The following A2M variants were observed in gnomAD, a reference collection of about 807,000 sequenced individuals.
A2M encodes the protein alpha-2-macroglobulin.
A2M carries 128 observed loss-of-function variants against 183.9 expected under a neutral mutation model. The ratio of observed to expected loss-of-function variants is 0.70; its 90% CI spans 0.60 to 0.81. The LOEUF (loss-of-function observed/expected upper bound fraction) is 0.81. A2M is among the 30% of genes least tolerant of loss of function. The probability of loss-of-function intolerance (pLI) is 0.00; values close to 1 mark genes in which losing one functional copy is unlikely to be tolerated. For synonymous variants in A2M, 592 were observed against 670.8 expected (o/e 0.88, Z 1.81); for missense variants, 1,495 against 1,787.6 (o/e 0.84, Z 2.95).
chr12:9,098,847 G>A, intron 14 of A2M, 91 bp from the exon 15 acceptor site: 4 of 1,423,448 alleles, frequency 2.8e-6, no homozygotes, highest in Admixed American at 2.1e-5. Context: ...CATGTACAAT[G>A]TATAACCACT....
Position 9,095,717 on chromosome 12 carries a change from G to T in A2M, c.1852-17C>A. On this transcript the variant is annotated splice_polypyrimidine_tract_variant and intron_variant, in intron 15 of 35. Coordinates refer to ENST00000318602, the MANE Select transcript of A2M (RefSeq NM_000014.6). ...GTTGTAAACCTGTACAAATACGAAA[G>T]ACAAAAAGGCAAACTTATTTGTGAC... 2 of 728,442 alleles carry T rather than the reference G, an allele frequency of 2.7e-6. No homozygotes were observed. The highest frequency in any genetic ancestry group is 2.1e-6 in the Non-Finnish European group (1 of 473,624). 45.1% of individuals were successfully genotyped at this position (728,442 alleles called of 1,614,324 possible). A position where few individuals can be genotyped will look rare whatever the true frequency, so the allele number is the denominator to read the frequency against.
Position 9,068,874 on chromosome 12 carries a change from C to G in A2M, c.4264-32G>C, listed in dbSNP as rs180970556. 56 of 1,484,022 alleles carry G rather than the reference C, an allele frequency of 3.8e-5. No individual in the cohort carries two copies. The East Asian group carries it at 9.4e-4, about 25-fold the overall frequency. The allele number at this position is 1,484,022 out of a possible 1,614,324, so 91.9% of individuals were successfully genotyped here. ...AGCAAAAGTCAATTAAATGACCTTT[C>G]AGGAAGCTTTCTTCTCTCTTTGAAT... On this transcript the variant is annotated intron_variant, in intron 33 of 35. Transcript: ENST00000318602.
rs751855497 is a variant in A2M, at chr12:9,106,357, G to A, written c.995-12C>T. 1.3e-6 allele frequency: 2 copies of A among 1,568,200 alleles called. No individual in the cohort carries two copies. The highest frequency in any genetic ancestry group is 1.8e-5 in the Admixed American group (1 of 56,278). ...AGTCAATTCCACCACTGAAAAAAGA[G>A]AAAAAAATCTGTTATTTTTGGGAAG... On this transcript the variant is annotated splice_polypyrimidine_tract_variant and intron_variant, in intron 9 of 35. Coordinates refer to ENST00000318602, the MANE Select transcript of A2M (RefSeq NM_000014.6).
chr12:9,078,611 G>A (rs1180231900), intron 25 of A2M, among the ~76,000 whole-genome samples: 4 of 152,094 alleles, frequency 2.6e-5, no homozygotes, highest in African/African-American at 9.7e-5. Flanking sequence ...TTGAAGAATC[G>A]CCATACTGTC....
chr12:9,098,572 G>T, intron 15 of A2M, 35 bp downstream of exon 15: 1 of 1,568,592 alleles, frequency 6.4e-7, no homozygotes, highest in African/African-American at 1.4e-5. Flanking sequence ...CCCTGGCACG[G>T]CCCTTCTTGA....
intron 1 of A2M, among the ~76,000 whole-genome samples, chr12:9,114,225 G>A (rs1370639496): frequency 4.6e-5 from 7 of 152,100 alleles, no homozygotes; most frequent in Admixed American, 4.6e-4. Flanking sequence ...TTTAGACCTT[G>A]GTAACTCATG....
chr12:9,107,735 T>G (rs1938407130), intron 7 of A2M, 91 bp from the exon 8 acceptor site: 2 of 1,469,666 alleles, frequency 1.4e-6, no homozygotes, highest in South Asian at 2.5e-5. Context: ...CTACAGTATA[T>G]TCCCTGTCTG....
At chr12:9,077,319 T>G in intron 27 of A2M, 27 bp downstream of exon 27, 1 of 1,595,996 alleles carries the variant, frequency 6.3e-7, no homozygotes, top group Non-Finnish European at 8.6e-7. Context: ...GAACTCTCCT[T>G]CAGCAGAGGA....
In A2M at chr12:9,072,346, C is replaced by T. The variant is rs757125749; in HGVS notation, c.4103+13G>A. The stretch of plus-strand genomic sequence containing the variant: ...TATTCTTAGGATTAGGTGATAGAGT[C>T]AGAAGGTCTTACCTGACACTTAGGG... On this transcript the variant is annotated intron_variant, in intron 31 of 35. Coordinates refer to ENST00000318602, the MANE Select transcript of A2M (RefSeq NM_000014.6). 11 of 1,613,172 alleles carry T rather than the reference C, an allele frequency of 6.8e-6. No homozygotes were observed. The highest frequency in any genetic ancestry group is 5.3e-5 in the African/African-American group (4 of 74,862).
Position 9,115,774 on chromosome 12 carries a change from A to G in A2M, c.76T>C (p.Ser26Pro). Residue 26 changes from serine (S) to proline (P), a missense_variant, in exon 1 of 36, where the codon TCT (serine) becomes CCT (proline). Ser to Pro is a moderately conservative substitution (Grantham distance 74). Coordinates refer to ENST00000318602, the MANE Select transcript of A2M (RefSeq NM_000014.6). ...CTGTGTGGAACTCACGGTTTTCCAGAGACTGAGGCGTCTGTGGGCAGGAGG... is the reference window on the plus strand; with the variant it reads ...CTGTGTGGAACTCACGGTTTTCCAGGGACTGAGGCGTCTGTGGGCAGGAGG... ...LVLLPTDASV[S>P]GKPQYMVLVP... The G allele has an allele frequency of 3.7e-6, 6 of 1,613,078 alleles. No homozygotes were observed. The highest frequency in any genetic ancestry group is 3.4e-6 in the Non-Finnish European group (4 of 1,179,130).
chr12:9,104,124 G>T, intron 11 of A2M, 115 bp downstream of exon 11: 3 of 1,031,064 alleles, frequency 2.9e-6, no homozygotes, highest in Non-Finnish European at 4.2e-6. Flanking sequence ...GTTTCTAATT[G>T]CTAGTTTTTT....
intron 22 of A2M, among the ~76,000 whole-genome samples, chr12:9,082,444 A>G (rs1479358284): frequency 1.3e-5 from 2 of 152,198 alleles, no homozygotes; most frequent in Non-Finnish European, 2.9e-5. Context: ...CCTACCAAAC[A>G]TAAGAGCAAA....
intron 29 of A2M, among the ~76,000 whole-genome samples, 156 bp downstream of exon 29, chr12:9,074,404 T>C (rs562129431): frequency 9.2e-5 from 14 of 152,188 alleles, no homozygotes; most frequent in Non-Finnish European, 1.5e-4. Context: ...TGACTTTGAT[T>C]TGCTTTTATT....
chr12:9,100,392 C>T (rs958073527), intron 13 of A2M, among the ~76,000 whole-genome samples: 1 of 152,062 alleles, frequency 6.6e-6, no homozygotes, highest in Admixed American at 6.6e-5. Context: ...TTATACACAA[C>T]AATATTTTAT....
chr12:9,099,532 C>G lies in A2M; in HGVS notation c.1559-9G>C. The G allele has an allele frequency of 1.2e-6, 2 of 1,604,014 alleles. No homozygotes were observed. Among genetic ancestry groups the G allele is most frequent in the Non-Finnish European group, 1.7e-6 (2 of 1,175,194 alleles). ...GGAAAAATGGCCCTTCACTGGGGCA[C>G]AAAGAGAATGAGAGGAAGCCATCAT... is the stretch of plus-strand genomic sequence containing the variant. On this transcript the variant is annotated splice_polypyrimidine_tract_variant and intron_variant, in intron 13 of 35. Transcript: ENST00000318602.
At chr12:9,105,631 G>A (rs1938227223) in intron 10 of A2M, among the ~76,000 whole-genome samples, 1 of 152,112 alleles carries the variant, frequency 6.6e-6, no homozygotes, top group South Asian at 2.1e-4. Context: ...AATTGTAAGA[G>A]AAGATTTTTT....
chr12:9,069,909 G>A, intron 32 of A2M, 96 bp from the exon 33 acceptor site: 1 of 1,010,922 alleles, frequency 9.9e-7, no homozygotes, highest in Non-Finnish European at 1.5e-6. Flanking sequence ...TAACCCTGAG[G>A]GTAGAATTCT....
Position 9,068,821 on chromosome 12 carries a change from A to G in A2M, c.4285T>C (p.Leu1429=). 6.2e-7 allele frequency: 1 copy of G among 1,603,910 alleles called. No homozygotes were observed. Among genetic ancestry groups the G allele is most frequent in the Middle Eastern group, 1.7e-4 (1 of 6,046 alleles). The change falls in exon 34 of 36, where the codon TTG becomes CTG. Residue 1429 remains leucine, a synonymous_variant. Coordinates refer to ENST00000318602, the MANE Select transcript of A2M (RefSeq NM_000014.6). ...LDKVSNQTLS[L]FFTVLQDVPV... is the part of the protein sequence containing the mutation. ...ACATCTTGCAGAACCGTGAAGAACA[A>G]GCTCAGTGTCTGATTTGACACCTGG...
At chr12:9,107,764 G>T (rs375515657) in intron 7 of A2M, 120 bp from the exon 8 acceptor site, 3 of 1,148,268 alleles carry the variant, frequency 2.6e-6, no homozygotes, top group African/African-American at 3.1e-5. Flanking sequence ...TCTGCTCTCT[G>T]CTGGGCTCAC....
Sources: gnomAD v4.1 joint callset for allele counts (sites outside exome capture counted in the v4.1 genomes callset) on GRCh38, gnomAD v4.1.1 for gene constraint, MANE v1.5 for transcripts, NCBI Gene and HGNC (gene_info 2026-07-23, HGNC 2026-07-21) for gene names.